Variants in ZDHHC17 observed in about 807,000 individuals in gnomAD.
ZDHHC17 encodes palmitoyltransferase ZDHHC17.
Under a neutral mutation model 90.3 loss-of-function variants are expected in ZDHHC17, and 40 were observed. The observed-to-expected ratio is 0.44, with a 90% CI of 0.34 to 0.58. The LOEUF (loss-of-function observed/expected upper bound fraction) is 0.58. Ranked by LOEUF, ZDHHC17 falls within the 20% of genes least tolerant of loss-of-function variation. The probability of loss-of-function intolerance (pLI) is 0.01; values close to 1 mark genes in which losing one functional copy is unlikely to be tolerated. For missense variants in ZDHHC17, 614 were observed against 780.8 expected (o/e 0.79, Z 2.55); for synonymous variants, 235 against 252.4 (o/e 0.93, Z 0.65).
chr12:76,826,872 A>G (rs377637637), intron 8 of ZDHHC17, 36 bp from the exon 9 acceptor site: 163 of 1,492,868 alleles, frequency 1.1e-4, no homozygotes, highest in Non-Finnish European at 1.4e-4. Context: ...TACTTGAAAC[A>G]TGCAAAAACT....
chr12:76,847,588 C>G (rs914716668), intron 14 of ZDHHC17, among the ~76,000 whole-genome samples: 8 of 152,308 alleles, frequency 5.3e-5, no homozygotes, highest in African/African-American at 1.7e-4. Flanking sequence ...CATGGTGGCT[C>G]ATTGCCTATA....
At chr12:76,766,839 G>A (rs1952436828) in intron 1 of ZDHHC17, among the ~76,000 whole-genome samples, 1 of 151,940 alleles carries the variant, frequency 6.6e-6, no homozygotes, top group Non-Finnish European at 1.5e-5. Context: ...GGGCAACATG[G>A]CAAAACTCTG....
At chr12:76,821,279 T>A in intron 7 of ZDHHC17, 1 of 340,432 alleles carries the variant, frequency 2.9e-6, no homozygotes, top group Non-Finnish European at 4.9e-6. Context: ...GGAAGACTCC[T>A]AGATTAGCCC....
At position 76,800,885 on chromosome 12, in the gene ZDHHC17, C is replaced by CTTTTTTT. The variant is rs71085458; in HGVS notation, c.197+3363_197+3369dup. ...AGGGACTTCTGTCATTTTGCCATTT[C>CTTTTTTT]TTTTTTTTTTTTTTTTTTTTTAGAC... On this transcript the variant is annotated intron_variant, in intron 2 of 16. Coordinates refer to ENST00000426126, the MANE Select transcript of ZDHHC17 (RefSeq NM_015336.4). 8.9e-4 allele frequency among the ~76,000 whole-genome samples: 96 copies of CTTTTTTT among 107,994 alleles called. 5 individuals are homozygous for CTTTTTTT. The highest frequency in any genetic ancestry group is 2.1e-3 in the East Asian group (7 of 3,330). 70.8% of individuals were successfully genotyped at this position (107,994 alleles called of 152,430 possible).
At chr12:76,823,629 A>C (rs753306634) in intron 8 of ZDHHC17, among the ~76,000 whole-genome samples, 1 of 152,174 alleles carries the variant, frequency 6.6e-6, no homozygotes, top group Non-Finnish European at 1.5e-5. Context: ...TCTAGTGGCA[A>C]TGTTGATTAT....
chr12:76,799,083 G>A (rs1008240376), intron 2 of ZDHHC17, among the ~76,000 whole-genome samples: 1 of 152,088 alleles, frequency 6.6e-6, no homozygotes, highest in African/African-American at 2.4e-5. Flanking sequence ...GCTGCAGTGA[G>A]ATATAGTCAT....
At chr12:76,822,299 C>A in intron 7 of ZDHHC17, 107 bp from the exon 8 acceptor site, 1 of 1,419,378 alleles carries the variant, frequency 7.0e-7, no homozygotes, top group South Asian at 1.3e-5. Context: ...AATGTCAAAA[C>A]AACGTTAATA....
intron 12 of ZDHHC17, chr12:76,844,341 T>A (rs1164077309): frequency 1.3e-5 from 2 of 152,182 alleles, no homozygotes; most frequent in East Asian, 3.8e-4. Context: ...TAGTTGTCAT[T>A]ATATGGGTAT....
rs751507682 is a variant in ZDHHC17, at chr12:76,822,533, TA to T, written c.897+5del. 2 of 1,541,040 alleles carry T rather than the reference TA, an allele frequency of 1.3e-6. No homozygotes were observed. The highest frequency in any genetic ancestry group is 1.8e-6 in the Non-Finnish European group (2 of 1,133,780). ...CTTAGAAAGCTGAAAGCTGATAAGG[TA>T]AACTCATAACTGAAGATTTTTTTTT... On this transcript the variant is annotated splice_donor_region_variant and intron_variant, in intron 8 of 16. Transcript: ENST00000426126.
chr12:76,797,752 G>C (rs1422534753), intron 2 of ZDHHC17, among the ~76,000 whole-genome samples: 1 of 152,106 alleles, frequency 6.6e-6, no homozygotes, highest in African/African-American at 2.4e-5. Context: ...AGACCAGCCT[G>C]GCCGACATGG....
chr12:76,827,148 C>A, intron 9 of ZDHHC17, 98 bp downstream of exon 9: 3 of 1,282,202 alleles, frequency 2.3e-6, no homozygotes, highest in Non-Finnish European at 3.1e-6. Context: ...TACATTTGAT[C>A]TTAATTTATT....
At chr12:76,831,630 G>A (rs1451352021) in intron 10 of ZDHHC17, among the ~76,000 whole-genome samples, 1 of 152,116 alleles carries the variant, frequency 6.6e-6, no homozygotes. Flanking sequence ...GATTACAGGC[G>A]TGAGCCACTG....
intron 2 of ZDHHC17, among the ~76,000 whole-genome samples, chr12:76,798,546 G>C (rs1952850059): frequency 1.4e-5 from 2 of 145,076 alleles, no homozygotes; most frequent in East Asian, 3.9e-4. Flanking sequence ...CCCTGTCTCT[G>C]CAAAAAAAGA....
chr12:76,779,941 A>C (rs11115343), intron 1 of ZDHHC17, among the ~76,000 whole-genome samples: 1,673 of 151,348 alleles, frequency 0.011, 11 homozygotes, highest in Non-Finnish European at 0.017. Context: ...TTGCTTTTAC[A>C]TTGTTGTAAA....
intron 10 of ZDHHC17, among the ~76,000 whole-genome samples, chr12:76,841,455 G>GT (rs1210880444): frequency 2.6e-5 from 4 of 151,942 alleles, no homozygotes; most frequent in Admixed American, 6.6e-5. Context: ...TAAATGCCTA[G>GT]TATATTTCTT....
At chr12:76,765,247 C>T (rs1952418389) in intron 1 of ZDHHC17, among the ~76,000 whole-genome samples, 1 of 152,206 alleles carries the variant, frequency 6.6e-6, no homozygotes, top group Admixed American at 6.5e-5. Flanking sequence ...ATGGAAGTCT[C>T]TACCTGGTTA....
At chr12:76,797,640 C>T (rs1293155800) in intron 2 of ZDHHC17, 103 bp downstream of exon 2, 2 of 890,768 alleles carry the variant, frequency 2.2e-6, no homozygotes, top group Non-Finnish European at 3.2e-6. Flanking sequence ...CAGTATATCT[C>T]AATTAAAAAA....
Position 76,851,064 on chromosome 12 carries a change from C to G in ZDHHC17, c.*79C>G. 1 of 1,567,434 alleles carries G rather than the reference C, an allele frequency of 6.4e-7. No individual in the cohort carries two copies. Among genetic ancestry groups the G allele is most frequent in the South Asian group, 1.1e-5 (1 of 87,122 alleles). Reference sequence around the variant, plus strand: ...GTCCGTGTCTTTCTCACACTCGAATCCACATCCTTTGAACAAGAGCATGCT... The same window carrying G: ...GTCCGTGTCTTTCTCACACTCGAATGCACATCCTTTGAACAAGAGCATGCT... On this transcript the variant is annotated 3_prime_UTR_variant, in exon 17 of 17. Transcript: ENST00000426126.
chr12:76,822,550 ATTT>A lies in ZDHHC17; in HGVS notation c.897+38_897+40del, dbSNP rs10618043. 55,038 of 1,186,846 alleles carry A rather than the reference ATTT, an allele frequency of 0.046. 3 individuals carry two copies. The highest frequency in any genetic ancestry group is 0.067 in the Middle Eastern group (295 of 4,422). The allele number at this position is 1,186,846 out of a possible 1,614,324, so 73.5% of individuals were successfully genotyped here. On this transcript the variant is annotated intron_variant, in intron 8 of 16. Transcript: ENST00000426126. ...TGATAAGGTAAACTCATAACTGAAGATTTTTTTTTTTTTTTTTTTTTGAGACGG... is the reference window on the plus strand; with the variant it reads ...TGATAAGGTAAACTCATAACTGAAGATTTTTTTTTTTTTTTTTTGAGACGG...
Sources: allele counts gnomAD v4.1 joint callset (sites outside exome capture counted in the v4.1 genomes callset), GRCh38; gene constraint gnomAD v4.1.1; transcripts MANE v1.5; gene names NCBI Gene and HGNC (gene_info 2026-07-23, HGNC 2026-07-21).